The following CFAP299 variants were observed in gnomAD, a reference collection of about 807,000 sequenced individuals.
CFAP299 encodes the protein cilia- and flagella-associated protein 299.
A neutral mutation model predicts 27.0 loss-of-function variants in CFAP299; 21 were observed. That is an observed-to-expected ratio of 0.78 (90% CI 0.55 to 1.12). The LOEUF (loss-of-function observed/expected upper bound fraction) is 1.12, where lower values mean the gene tolerates loss of function less well. Ranked by LOEUF, CFAP299 falls within the 50% of genes most tolerant of loss-of-function variation. CFAP299 has a pLI of 0.00. For synonymous variants in CFAP299, 104 were observed against 98.1 expected, an observed-to-expected ratio of 1.06 and a Z score of -0.36; for missense variants, 310 against 276.6, an observed-to-expected ratio of 1.12 and a Z score of -0.86.
intron 3 of CFAP299, among the ~76,000 whole-genome samples, chr4:80,783,035 GTATT>G (rs1727021891): frequency 6.6e-6 from 1 of 152,056 alleles, no homozygotes; most frequent in East Asian, 1.9e-4. Flanking sequence ...ACCAAAACTT[GTATT>G]TATTATTTCA....
intron 4 of CFAP299, among the ~76,000 whole-genome samples, chr4:80,943,069 T>C (rs1219898107): frequency 6.6e-6 from 1 of 152,216 alleles, no homozygotes; most frequent in Non-Finnish European, 1.5e-5. Flanking sequence ...GCTTATTAAG[T>C]TGAGGGCCTA....
At chr4:80,560,639 AC>A (rs1734996666) in intron 2 of CFAP299, among the ~76,000 whole-genome samples, 1 of 152,012 alleles carries the variant, frequency 6.6e-6, no homozygotes, top group African/African-American at 2.4e-5. Flanking sequence ...GACTAAAGAG[AC>A]CGTGACCCTT....
At chr4:80,461,080 A>G (rs1028102703) in intron 2 of CFAP299, among the ~76,000 whole-genome samples, 1 of 152,174 alleles carries the variant, frequency 6.6e-6, no homozygotes, top group Non-Finnish European at 1.5e-5. Context: ...TGGTTGAAAG[A>G]GTTATTATCT....
At chr4:80,648,637 T>G (rs1740143596) in intron 3 of CFAP299, among the ~76,000 whole-genome samples, 1 of 152,162 alleles carries the variant, frequency 6.6e-6, no homozygotes, top group African/African-American at 2.4e-5. Flanking sequence ...TTCTTAATAT[T>G]GTACTACTCA....
chr4:80,885,933 A>G (rs1437013292), intron 4 of CFAP299, among the ~76,000 whole-genome samples: 1 of 152,180 alleles, frequency 6.6e-6, no homozygotes, highest in Non-Finnish European at 1.5e-5. Flanking sequence ...ATCCTCTTGG[A>G]CAGCATTTCT....
chr4:80,912,664 A>G (rs1449094417), intron 4 of CFAP299, among the ~76,000 whole-genome samples: 2 of 152,188 alleles, frequency 1.3e-5, no homozygotes, highest in Admixed American at 6.5e-5. Flanking sequence ...GTTAACCCAG[A>G]GCTCTGAACC....
intron 3 of CFAP299, among the ~76,000 whole-genome samples, chr4:80,862,847 TA>T (rs1732468748): frequency 1.3e-5 from 2 of 152,272 alleles, no homozygotes; most frequent in South Asian, 4.1e-4. Context: ...ATATAGAATT[TA>T]AAAACAGTTA....
At chr4:80,954,721 T>C (rs1398323881) in intron 5 of CFAP299, among the ~76,000 whole-genome samples, 1 of 151,982 alleles carries the variant, frequency 6.6e-6, no homozygotes, top group Non-Finnish European at 1.5e-5. Flanking sequence ...AAGTTTTGGC[T>C]GGGCATGGTG....
At chr4:80,573,900 C>T (rs139396323) in intron 2 of CFAP299, among the ~76,000 whole-genome samples, 3 of 152,170 alleles carry the variant, frequency 2.0e-5, no homozygotes, top group Admixed American at 1.3e-4. Context: ...AGTGATTCAT[C>T]TAGTTGTGTT....
rs144595532 is a variant in CFAP299 at position 80,597,683 on chromosome 4, A to C, written c.333+14500A>C. 4.6e-3 allele frequency among the ~76,000 whole-genome samples: 697 copies of C among 151,756 alleles called. 7 individuals carry two copies. Among genetic ancestry groups the C allele is most frequent in the African/African-American group, 0.016 (664 of 41,344 alleles). On this transcript the variant is annotated intron_variant, in intron 3 of 5. Coordinates refer to ENST00000358105, the MANE Select transcript of CFAP299 (RefSeq NM_152770.3). ...ATGTTTACACTTAGATGTATATTTT[A>C]CCTACAATTACTTTTTTTTTTAAAG...
At chr4:80,772,782 C>G (rs1209867781) in intron 3 of CFAP299, among the ~76,000 whole-genome samples, 1 of 152,032 alleles carries the variant, frequency 6.6e-6, no homozygotes, top group Non-Finnish European at 1.5e-5. Context: ...TCTCATTGTG[C>G]AACTCTCACT....
intron 3 of CFAP299, among the ~76,000 whole-genome samples, chr4:80,794,636 A>C (rs962098107): frequency 6.6e-6 from 1 of 152,170 alleles, no homozygotes; most frequent in Non-Finnish European, 1.5e-5. Context: ...ACACTTCTTT[A>C]GCTGGAAAGT....
chr4:80,641,623 A>G (rs1739732672), intron 3 of CFAP299, among the ~76,000 whole-genome samples: 1 of 152,228 alleles, frequency 6.6e-6, no homozygotes, highest in Non-Finnish European at 1.5e-5. Flanking sequence ...TGCACAAAAT[A>G]TTATGTTAGG....
intron 3 of CFAP299, among the ~76,000 whole-genome samples, chr4:80,774,068 A>C (rs1257063644): frequency 6.6e-6 from 1 of 151,990 alleles, no homozygotes; most frequent in East Asian, 1.9e-4. Context: ...CATATTAATC[A>C]GAAGCTTCCT....
At chr4:80,678,694 T>C (rs1719634287) in intron 3 of CFAP299, among the ~76,000 whole-genome samples, 1 of 152,016 alleles carries the variant, frequency 6.6e-6, no homozygotes, top group Admixed American at 6.6e-5. Flanking sequence ...CTCTTTAATC[T>C]CTCTGCTAAT....
At chr4:80,787,345 TA>T (rs1243458054) in intron 3 of CFAP299, among the ~76,000 whole-genome samples, 3 of 151,666 alleles carry the variant, frequency 2.0e-5, no homozygotes, top group Non-Finnish European at 4.4e-5. Context: ...AGAATTAAGT[TA>T]ATCTGAATCT....
the CFAP299 span, among the ~76,000 whole-genome samples, chr4:80,324,396 C>T: frequency 6.6e-6 from 1 of 152,154 alleles, no homozygotes; most frequent in African/African-American, 2.4e-5. Flanking sequence ...TTACAAAAAT[C>T]CTCAAAGTCC....
chr4:80,942,599 G>A (rs1418619845), intron 4 of CFAP299, among the ~76,000 whole-genome samples: 2 of 152,040 alleles, frequency 1.3e-5, no homozygotes, highest in Non-Finnish European at 2.9e-5. Flanking sequence ...AAAGAATCAT[G>A]TTCTATACAA....
chr4:80,763,319 C>A (rs1215458222), intron 3 of CFAP299, among the ~76,000 whole-genome samples: 1 of 152,088 alleles, frequency 6.6e-6, no homozygotes, highest in African/African-American at 2.4e-5. Context: ...AATAGACAAT[C>A]AGAGAGCCAA....
Sources: gnomAD v4.1 joint callset for allele counts (sites outside exome capture counted in the v4.1 genomes callset) on GRCh38, gnomAD v4.1.1 for gene constraint, MANE v1.5 for transcripts, NCBI Gene and HGNC (gene_info 2026-07-23, HGNC 2026-07-21) for gene names.